The following NUBPL variants were observed in gnomAD, a reference collection of about 807,000 sequenced individuals.
The protein encoded by NUBPL is NUBP iron-sulfur cluster assembly factor, mitochondrial.
A neutral mutation model predicts 45.7 loss-of-function variants in NUBPL; 31 were observed. The observed-to-expected ratio is 0.68, with a 90% CI of 0.51 to 0.92. The LOEUF is 0.92. NUBPL is among the 40% of genes least tolerant of loss of function. NUBPL has a pLI of 0.00. For missense variants in NUBPL, 401 were observed against 398.7 expected, an observed-to-expected ratio of 1.01 and a Z score of -0.05; for synonymous variants, 144 against 140.9, an observed-to-expected ratio of 1.02 and a Z score of -0.15.
At chr14:31,827,560 G>C (rs1477887956) in intron 8 of NUBPL, among the ~76,000 whole-genome samples, 2 of 152,130 alleles carry the variant, frequency 1.3e-5, no homozygotes, top group Non-Finnish European at 2.9e-5. Context: ...AAACATTTCA[G>C]TACAGTGTCA....
At chr14:31,745,714 C>T (rs1318117059) in intron 6 of NUBPL, among the ~76,000 whole-genome samples, 4 of 151,840 alleles carry the variant, frequency 2.6e-5, no homozygotes, top group Non-Finnish European at 5.9e-5. Context: ...GTAACATATT[C>T]AGGCTTATGT....
chr14:31,754,438 G>A (rs1440336702), intron 6 of NUBPL, among the ~76,000 whole-genome samples: 1 of 152,074 alleles, frequency 6.6e-6, no homozygotes, highest in Non-Finnish European at 1.5e-5. Context: ...GTGAAACTAT[G>A]AGAATGCAAT....
chr14:31,697,985 C>CAGG (rs1459383515), intron 6 of NUBPL, among the ~76,000 whole-genome samples: 1 of 152,088 alleles, frequency 6.6e-6, no homozygotes, highest in East Asian at 1.9e-4. Flanking sequence ...GAACAGATCC[C>CAGG]AAGCAGGCGA....
At chr14:31,639,309 C>T (rs893578810) in intron 4 of NUBPL, among the ~76,000 whole-genome samples, 12 of 152,108 alleles carry the variant, frequency 7.9e-5, no homozygotes, top group African/African-American at 2.7e-4. Flanking sequence ...CAGACAGGAC[C>T]CTCAGCTGCA....
At chr14:31,805,945 T>A (rs2039677386) in intron 7 of NUBPL, among the ~76,000 whole-genome samples, 1 of 152,176 alleles carries the variant, frequency 6.6e-6, no homozygotes, top group Non-Finnish European at 1.5e-5. Flanking sequence ...TCCTTCATGA[T>A]ATGCCAGACA....
chr14:31,577,311 C>T (rs969285856), intron 3 of NUBPL, among the ~76,000 whole-genome samples: 12 of 152,162 alleles, frequency 7.9e-5, no homozygotes, highest in Non-Finnish European at 1.6e-4. Flanking sequence ...CTTAATTGGT[C>T]TGTTTAATCT....
chr14:31,672,525 C>T (rs2036596265), intron 4 of NUBPL, among the ~76,000 whole-genome samples: 1 of 151,982 alleles, frequency 6.6e-6, no homozygotes, highest in Non-Finnish European at 1.5e-5. Context: ...TGCAGTGGCA[C>T]AATGTGGGCT....
At chr14:31,646,427 T>C (rs978530940) in intron 4 of NUBPL, among the ~76,000 whole-genome samples, 1 of 152,092 alleles carries the variant, frequency 6.6e-6, no homozygotes. Flanking sequence ...CCTCATGTGA[T>C]CCACTCAACC....
intron 4 of NUBPL, among the ~76,000 whole-genome samples, chr14:31,625,586 C>G (rs2035185572): frequency 6.6e-6 from 1 of 151,742 alleles, no homozygotes; most frequent in Non-Finnish European, 1.5e-5. Flanking sequence ...AGTGATTCTC[C>G]TGCCTCAGCC....
chr14:31,835,312 T>C (rs540062912), intron 8 of NUBPL, among the ~76,000 whole-genome samples: 1 of 152,326 alleles, frequency 6.6e-6, no homozygotes, highest in East Asian at 1.9e-4. Flanking sequence ...AAAGTCTCTA[T>C]CTAGTTGTCA....
intron 6 of NUBPL, among the ~76,000 whole-genome samples, chr14:31,759,826 C>T (rs1040339957): frequency 7.3e-5 from 11 of 150,884 alleles, no homozygotes; most frequent in African/African-American, 2.4e-4. Context: ...AGATGTTCAA[C>T]ACTTTATTAT....
chr14:31,571,351 T>G lies in NUBPL; in HGVS notation c.291+6303T>G, dbSNP rs151237515. Among the ~76,000 whole-genome samples, 5 of 151,486 alleles carry G rather than the reference T, an allele frequency of 3.3e-5. 1 individual carries two copies. The highest frequency in any genetic ancestry group is 9.7e-5 in the African/African-American group (4 of 41,370). ...AAAAAAAAAAAAAGATGTGCACCCA[T>G]GGGCTGCTTTGTAATTCACACAAAG... On this transcript the variant is annotated intron_variant, in intron 3 of 10. Transcript: ENST00000281081.
chr14:31,602,872 A>C (rs1374684826), intron 4 of NUBPL, among the ~76,000 whole-genome samples: 2 of 152,070 alleles, frequency 1.3e-5, no homozygotes, highest in African/African-American at 4.8e-5. Flanking sequence ...GTTAAAAAAA[A>C]CTCCCAAAAC....
At chr14:31,791,889 G>C (rs2039389639) in intron 7 of NUBPL, among the ~76,000 whole-genome samples, 1 of 152,142 alleles carries the variant, frequency 6.6e-6, no homozygotes, top group Non-Finnish European at 1.5e-5. Flanking sequence ...GTAGATTTCT[G>C]TATGAAATGG....
intron 4 of NUBPL, among the ~76,000 whole-genome samples, chr14:31,618,863 A>C (rs893847707): frequency 3.9e-5 from 6 of 152,146 alleles, no homozygotes; most frequent in Admixed American, 1.3e-4. Context: ...TGTCTCGTAG[A>C]TCTGTCTAAT....
intron 10 of NUBPL, among the ~76,000 whole-genome samples, chr14:31,851,179 C>T (rs1459396488): frequency 3.3e-5 from 5 of 151,576 alleles, no homozygotes; most frequent in Admixed American, 3.3e-4. Flanking sequence ...TCTGGCACAT[C>T]AGTTCAGATG....
chr14:31,727,274 T>C (rs975115016), intron 6 of NUBPL, among the ~76,000 whole-genome samples: 1 of 152,230 alleles, frequency 6.6e-6, no homozygotes, highest in Non-Finnish European at 1.5e-5. Context: ...TGAAATATGA[T>C]GAATTCAAGT....
At chr14:31,631,582 G>A (rs1007012031) in intron 4 of NUBPL, among the ~76,000 whole-genome samples, 4 of 151,666 alleles carry the variant, frequency 2.6e-5, no homozygotes, top group Admixed American at 1.3e-4. Flanking sequence ...GCAAGCTGGA[G>A]ACCCAGAAGG....
At chr14:31,811,156 T>C (rs2039796986) in intron 7 of NUBPL, among the ~76,000 whole-genome samples, 1 of 152,188 alleles carries the variant, frequency 6.6e-6, no homozygotes, top group Non-Finnish European at 1.5e-5. Context: ...TGAATTTGAA[T>C]GTTGGCCTGC....
Sources: gnomAD v4.1 joint callset for allele counts (sites outside exome capture counted in the v4.1 genomes callset) on GRCh38, gnomAD v4.1.1 for gene constraint, MANE v1.5 for transcripts, NCBI Gene and HGNC (gene_info 2026-07-23, HGNC 2026-07-21) for gene names.